TMPRSS11D: variants seen among roughly 807,000 people sequenced by gnomAD.
TMPRSS11D encodes transmembrane serine protease 11D.
In TMPRSS11D, 32 loss-of-function variants were observed where a neutral mutation model predicts 44.4. The ratio of observed to expected loss-of-function variants is 0.72; its 90% CI spans 0.54 to 0.97. The LOEUF (loss-of-function observed/expected upper bound fraction) is 0.97. TMPRSS11D is among the 50% of genes least tolerant of loss of function. The pLI is 0.00. For missense variants in TMPRSS11D, 446 were observed against 502.6 expected, an observed-to-expected ratio of 0.89 and a Z score of 1.08; for synonymous variants, 179 against 177.9, an observed-to-expected ratio of 1.01 and a Z score of -0.05.
At chr4:67,825,939 A>C in intron 8 of TMPRSS11D, 65 bp from the exon 9 acceptor site, 1 of 1,436,662 alleles carries the variant, frequency 7.0e-7, no homozygotes, top group Non-Finnish European at 9.3e-7. Flanking sequence ...CCCTATAATA[A>C]ATTTGAGAAG....
At chr4:67,869,673 T>C (rs1364736122) in intron 1 of TMPRSS11D, among the ~76,000 whole-genome samples, 1 of 152,212 alleles carries the variant, frequency 6.6e-6, no homozygotes, top group Non-Finnish European at 1.5e-5. Context: ...TACTAGCATA[T>C]GCTAATTCTT....
chr4:67,829,300 A>G lies in TMPRSS11D; in HGVS notation c.693-1780T>C, dbSNP rs975415057. 3.3e-5 allele frequency among the ~76,000 whole-genome samples: 5 copies of G among 152,032 alleles called. 1 individual carries two copies. The South Asian group carries it at 1.0e-3, about 31-fold the overall frequency. ...TGAACTTGAAGGAGCTTATGTTGAGAAATAAAGTTTATAATTTTTTATTTT... is the reference window on the plus strand; with the variant it reads ...TGAACTTGAAGGAGCTTATGTTGAGGAATAAAGTTTATAATTTTTTATTTT... On this transcript the variant is annotated intron_variant, in intron 7 of 9. Transcript: ENST00000283916.
intron 1 of TMPRSS11D, among the ~76,000 whole-genome samples, chr4:67,862,671 T>G (rs2109691880): frequency 6.6e-6 from 1 of 152,076 alleles, no homozygotes. Context: ...TGTCCAACAA[T>G]GATAGACTGG....
At chr4:67,841,982 T>C (rs1718242426) in intron 4 of TMPRSS11D, among the ~76,000 whole-genome samples, 1 of 152,232 alleles carries the variant, frequency 6.6e-6, no homozygotes, top group Non-Finnish European at 1.5e-5. Context: ...TAAAGGTGAC[T>C]ATTTCAGTTG....
rs1387783564 is a variant in TMPRSS11D at position 67,827,318 on chromosome 4, T to A, written c.895A>T (p.Asn299Tyr). 6.2e-7 allele frequency: 1 copy of A among 1,613,354 alleles called. No homozygotes were observed. The change falls in exon 8 of 10, where the codon AAT (asparagine) becomes TAT (tyrosine). Residue 299 changes from asparagine (N) to tyrosine (Y), a missense_variant. By Grantham distance (143) the Asn-to-Tyr change is moderately radical. Coordinates refer to ENST00000283916, the MANE Select transcript of TMPRSS11D (RefSeq NM_004262.3). Reference sequence around the variant, plus strand: ...TAAGCAGTAGAGCCAGGTGGAATATTCTGGGTAGCAGCTGGGAGACACACA... The same window carrying A: ...TAAGCAGTAGAGCCAGGTGGAATATACTGGGTAGCAGCTGGGAGACACACA... The part of the protein sequence containing the change: ...HSVCLPAATQ[N>Y]IPPGSTAYVT...
In TMPRSS11D at chr4:67,833,353, T is replaced by C. The variant is rs897095759; in HGVS notation, c.543A>G (p.Thr181=). 4.4e-6 allele frequency: 7 copies of C among 1,579,588 alleles called. No individual in the cohort carries two copies. The highest frequency in any genetic ancestry group is 6.0e-6 in the Non-Finnish European group (7 of 1,164,040). The stretch of plus-strand genomic sequence containing the variant: ...CTCCAAGGATTCTCTGCTCAGACAA[T>C]GTTATTAGGTCTGGACCGGCCCCAC... ...NECGAGPDLI[T]LSEQRILGGT... The change falls in exon 7 of 10, where the codon ACA becomes ACG. Residue 181 remains threonine, a synonymous_variant. Coordinates refer to ENST00000283916, the MANE Select transcript of TMPRSS11D (RefSeq NM_004262.3).
At chr4:67,841,860 A>G (rs191076606) in intron 4 of TMPRSS11D, among the ~76,000 whole-genome samples, 2 of 152,334 alleles carry the variant, frequency 1.3e-5, no homozygotes, top group East Asian at 3.9e-4. Flanking sequence ...TTTTCTTGTG[A>G]TGCTAGTATT....
chr4:67,840,284 A>G (rs1718201900), intron 4 of TMPRSS11D, among the ~76,000 whole-genome samples: 1 of 152,028 alleles, frequency 6.6e-6, no homozygotes, highest in South Asian at 2.1e-4. Flanking sequence ...AAGCAAACAC[A>G]TCTTTCTTAC....
chr4:67,875,314 A>T (rs1719160221), intron 1 of TMPRSS11D, among the ~76,000 whole-genome samples: 1 of 152,218 alleles, frequency 6.6e-6, no homozygotes, highest in Admixed American at 6.5e-5. Context: ...GCTCGACAGG[A>T]GGCAAATCCC....
intron 1 of TMPRSS11D, among the ~76,000 whole-genome samples, chr4:67,876,731 T>C (rs1389099271): frequency 1.3e-5 from 2 of 152,198 alleles, no homozygotes; most frequent in African/African-American, 4.8e-5. Context: ...ACCCAAGACA[T>C]GGTGGGTGCT....
At chr4:67,843,518 A>C (rs1285348913) in intron 3 of TMPRSS11D, among the ~76,000 whole-genome samples, 1 of 152,334 alleles carries the variant, frequency 6.6e-6, no homozygotes, top group South Asian at 2.1e-4. Flanking sequence ...GGGTATGTAC[A>C]CCTATTATGT....
chr4:67,826,472 C>T (rs1237537052), intron 8 of TMPRSS11D, among the ~76,000 whole-genome samples: 1 of 152,148 alleles, frequency 6.6e-6, no homozygotes, highest in Non-Finnish European at 1.5e-5. Context: ...CCTTCCACTC[C>T]TTCGCTGATA....
intron 7 of TMPRSS11D, 132 bp downstream of exon 7, chr4:67,833,072 A>T: frequency 1.2e-6 from 1 of 866,800 alleles, no homozygotes; most frequent in Non-Finnish European, 1.6e-6. Context: ...TTTCATGAAT[A>T]GGAAGAAAAT....
intron 1 of TMPRSS11D, among the ~76,000 whole-genome samples, chr4:67,863,548 A>T (rs1718846816): frequency 6.6e-6 from 1 of 152,128 alleles, no homozygotes; most frequent in Admixed American, 6.6e-5. Flanking sequence ...GATATGAAAG[A>T]TTTCTTTAAT....
At chr4:67,861,562 T>C (rs868742253) in intron 1 of TMPRSS11D, among the ~76,000 whole-genome samples, 1 of 151,838 alleles carries the variant, frequency 6.6e-6, no homozygotes, top group African/African-American at 2.4e-5. Flanking sequence ...AAGCGTGGAG[T>C]GAGAAGAACT....
In TMPRSS11D at chr4:67,822,274, G is replaced by T; in HGVS notation, c.*63C>A. The T allele has an allele frequency of 6.5e-7, 1 of 1,542,704 alleles. No homozygotes were observed. Among genetic ancestry groups the T allele is most frequent in the Non-Finnish European group, 8.9e-7 (1 of 1,129,488 alleles). Reference sequence around the variant, plus strand: ...GTTTCTTTTTCAGTTGAAATGTAAAGCTTTGGAATTTAAGACAGGCACACC... The same window carrying T: ...GTTTCTTTTTCAGTTGAAATGTAAATCTTTGGAATTTAAGACAGGCACACC... On this transcript the variant is annotated 3_prime_UTR_variant, in exon 10 of 10. Coordinates refer to ENST00000283916, the MANE Select transcript of TMPRSS11D (RefSeq NM_004262.3).
In TMPRSS11D at chr4:67,822,393, C is replaced by T. The variant is rs746935630; in HGVS notation, c.1201G>A (p.Val401Met). The T allele has an allele frequency of 1.9e-6, 3 of 1,613,794 alleles. No homozygotes were observed. Among genetic ancestry groups the T allele is most frequent in the Non-Finnish European group, 2.5e-6 (3 of 1,179,892 alleles). ...AGGTAGGCTGTCACTCGAGTATACA[C>T]TCCTGGCTTATCCGGCAGGCCACAC... ...DQCGLPDKPGVYTRVTAYLDW... is the reference protein window; with the variant it reads ...DQCGLPDKPGMYTRVTAYLDW... The change falls in exon 10 of 10, where the codon GTG (valine) becomes ATG (methionine). Residue 401 changes from valine to methionine, a missense_variant. Val to Met is a conservative substitution (Grantham distance 21). Transcript: ENST00000283916.
At chr4:67,855,160 C>T (rs1378202981) in intron 2 of TMPRSS11D, among the ~76,000 whole-genome samples, 2 of 150,208 alleles carry the variant, frequency 1.3e-5, no homozygotes, top group African/African-American at 4.9e-5. Context: ...GAGGCTGAGG[C>T]AGGAGAATTG....
intron 7 of TMPRSS11D, among the ~76,000 whole-genome samples, chr4:67,829,322 T>A (rs934076874): frequency 1.3e-5 from 2 of 151,968 alleles, no homozygotes; most frequent in Non-Finnish European, 2.9e-5. Context: ...TAATTTTTTA[T>A]TTTATCTTTT....
Sources: allele counts gnomAD v4.1 joint callset (sites outside exome capture counted in the v4.1 genomes callset), GRCh38; gene constraint gnomAD v4.1.1; transcripts MANE v1.5; gene names NCBI Gene and HGNC (gene_info 2026-07-23, HGNC 2026-07-21).